RABL2B: variants seen among roughly 807,000 people sequenced by gnomAD.
RABL2B encodes the protein RAB, member of RAS oncogene family like 2B.
In RABL2B, 17 loss-of-function variants were observed where a neutral mutation model predicts 26.7. The ratio of observed to expected loss-of-function variants is 0.64; its 90% CI spans 0.44 to 0.95. RABL2B has a LOEUF of 0.95. Among genes scored for constraint, RABL2B ranks in the 40% least tolerant of loss-of-function variants. The pLI is 0.00. For synonymous variants in RABL2B, 70 were observed against 103.9 expected (o/e 0.67, Z 1.99); for missense variants, 170 against 277.2 (o/e 0.61, Z 2.75).
intron 2 of RABL2B, chr22:50,780,683 G>A (rs1555928034): frequency 2.1e-6 from 1 of 470,918 alleles, no homozygotes; most frequent in Middle Eastern, 3.3e-4. Context: ...GATACTGCTA[G>A]TGGATGAAGA....
At chr22:50,783,374 C>T (rs1248791536) in intron 1 of RABL2B, 127 bp downstream of exon 1, 1 of 152,814 alleles carries the variant, frequency 6.5e-6, no homozygotes, top group Non-Finnish European at 1.5e-5. Context: ...CCCCCCACAA[C>T]AGCCTCGCGA....
intron 5 of RABL2B, among the ~76,000 whole-genome samples, chr22:50,775,096 G>A (rs1225339671): frequency 6.6e-6 from 1 of 152,194 alleles, no homozygotes; most frequent in African/African-American, 2.4e-5. Flanking sequence ...TGTTTTTTAA[G>A]TGACCCAAAA....
Position 50,775,787 on chromosome 22 carries a change from G to C in RABL2B, c.282C>G (p.Ala94=). 6.2e-7 allele frequency: 1 copy of C among 1,614,160 alleles called. No individual in the cohort carries two copies. Among genetic ancestry groups the C allele is most frequent in the Non-Finnish European group, 8.5e-7 (1 of 1,180,028 alleles). ...CGTCTCGTACCATGATGCAGGCGTGGGCCTTGTGGTAGTAGGAGGCATGCA... is the reference window on the plus strand; with the variant it reads ...CGTCTCGTACCATGATGCAGGCGTGCGCCTTGTGGTAGTAGGAGGCATGCA... ...QSMHASYYHK[A]HACIMVFDVQ... Residue 94 remains alanine (A), a synonymous_variant, in exon 5 of 9, where the codon GCC becomes GCG. Coordinates refer to ENST00000691320, the MANE Select transcript of RABL2B (RefSeq NM_001130919.3).
chr22:50,769,617 G>T (rs1461450934), intron 6 of RABL2B, 65 bp from the exon 7 acceptor site: 7 of 1,606,292 alleles, frequency 4.4e-6, no homozygotes, highest in South Asian at 3.3e-5. Flanking sequence ...TGGAGGGGGG[G>T]GCCACTGGAG....
At position 50,772,445 on chromosome 22, in the gene RABL2B, C is replaced by G. The variant is rs2084328414; in HGVS notation, c.298-2429G>C. 8.1e-6 allele frequency: 8 copies of G among 986,394 alleles called. No homozygotes were observed. The African/African-American group carries it at 1.4e-4, about 17-fold the overall frequency. The allele number at this position is 986,394 out of a possible 1,614,324, so 61.1% of individuals were successfully genotyped here. Reference sequence around the variant, plus strand: ...CTACAGTGAGCCTTCATGCCCTTCACAGGAGCTCCTCCAAAGTGTCTAGCC... The same window carrying G: ...CTACAGTGAGCCTTCATGCCCTTCAGAGGAGCTCCTCCAAAGTGTCTAGCC... On this transcript the variant is annotated intron_variant, in intron 5 of 8. Transcript: ENST00000691320.
At chr22:50,783,181 G>C (rs2086164008) in intron 1 of RABL2B, 1 of 169,586 alleles carries the variant, frequency 5.9e-6, no homozygotes, top group African/African-American at 2.4e-5. Context: ...GCTCACTGCA[G>C]CCTCCAACTC....
intron 2 of RABL2B, 58 bp from the exon 3 acceptor site, chr22:50,778,039 A>T: frequency 6.2e-7 from 1 of 1,613,806 alleles, no homozygotes; most frequent in South Asian, 1.1e-5. Context: ...CTCGTCCCAG[A>T]CTTTTTCACC....
At chr22:50,778,199 C>T (rs1423454631) in intron 2 of RABL2B, among the ~76,000 whole-genome samples, 1 of 151,220 alleles carries the variant, frequency 6.6e-6, no homozygotes, top group African/African-American at 2.4e-5. Flanking sequence ...GTACACACAC[C>T]AGCCCACGTG....
intron 4 of RABL2B, among the ~76,000 whole-genome samples, chr22:50,776,351 A>C (rs1202904168): frequency 6.6e-6 from 1 of 152,192 alleles, no homozygotes; most frequent in Non-Finnish European, 1.5e-5. Flanking sequence ...GAAGCTAGGA[A>C]AACTACTGCC....
chr22:50,767,679 C>T lies in RABL2B; in HGVS notation c.*1097G>A, dbSNP rs1441390297. The stretch of plus-strand genomic sequence containing the variant: ...GCTCTCCTCTTGCAGTCCTCAGCCT[C>T]CCACAGGAGGCACAAGGTCCAAACT... On this transcript the variant is annotated 3_prime_UTR_variant, in exon 9 of 9. Coordinates refer to ENST00000691320, the MANE Select transcript of RABL2B (RefSeq NM_001130919.3). 1.8e-5 allele frequency: 8 copies of T among 445,684 alleles called. No homozygotes were observed. The highest frequency in any genetic ancestry group is 4.8e-5 in the South Asian group (3 of 62,990). 27.6% of individuals were successfully genotyped at this position (445,684 alleles called of 1,614,324 possible).
chr22:50,780,661 C>T lies in RABL2B; in HGVS notation c.107+1527G>A, dbSNP rs149061920. ...ACCATGGTCTTTGTATCTGGGACAA[C>T]CTTTTGCCTGAGATACTGCTAGTGG... On this transcript the variant is annotated intron_variant, in intron 2 of 8. Transcript: ENST00000691320. The T allele has an allele frequency of 8.6e-3, 4,062 of 470,648 alleles. 133 individuals are homozygous for T. The highest frequency in any genetic ancestry group is 0.072 in the African/African-American group (3,603 of 50,082). The allele number at this position is 470,648 out of a possible 1,614,324, so 29.2% of individuals were successfully genotyped here.
chr22:50,770,260 A>G (rs2083941460), intron 5 of RABL2B: 1 of 496,362 alleles, frequency 2.0e-6, no homozygotes, highest in African/African-American at 2.0e-5. Flanking sequence ...TCACACCTGT[A>G]ATCCCAGCAC....
At chr22:50,778,374 AGGCCGAGAG>A (rs781916031) in intron 2 of RABL2B, among the ~76,000 whole-genome samples, 93 of 151,986 alleles carry the variant, frequency 6.1e-4, no homozygotes, top group Non-Finnish European at 9.6e-4. Context: ...GCACTTTGGG[AGGCCGAGAG>A]CAGCCTGGCC....
chr22:50,773,400 C>T (rs1299404557), intron 5 of RABL2B, among the ~76,000 whole-genome samples: 1 of 152,164 alleles, frequency 6.6e-6, no homozygotes, highest in Non-Finnish European at 1.5e-5. Context: ...CCTCACTGTC[C>T]TCACCACTGG....
At chr22:50,769,381 A>G (rs782783535) in intron 7 of RABL2B, 74 bp downstream of exon 7, 1 of 1,611,840 alleles carries the variant, frequency 6.2e-7, no homozygotes, top group East Asian at 2.2e-5. Flanking sequence ...ACCTGCAGTA[A>G]GCCCTTCTCT....
At chr22:50,777,832 G>C (rs138784280) in intron 3 of RABL2B, 120 bp downstream of exon 3, 4 of 1,512,958 alleles carry the variant, frequency 2.6e-6, no homozygotes, top group Non-Finnish European at 2.8e-6. Context: ...AAACCTGTGC[G>C]TTCACTTACC....
intron 5 of RABL2B, among the ~76,000 whole-genome samples, chr22:50,775,391 T>G (rs1488071930): frequency 1.3e-5 from 2 of 151,992 alleles, no homozygotes; most frequent in African/African-American, 4.8e-5. Flanking sequence ...ATCTACTCAG[T>G]CCCAGCGTGC....
chr22:50,771,481 T>C (rs138958369), intron 5 of RABL2B: 1 of 151,578 alleles, frequency 6.6e-6, no homozygotes, highest in Non-Finnish European at 1.5e-5. Context: ...TTCATCATGT[T>C]GGCCAGGCTG....
intron 5 of RABL2B, among the ~76,000 whole-genome samples, chr22:50,774,586 A>G (rs1456555454): frequency 6.7e-6 from 1 of 149,256 alleles, no homozygotes; most frequent in African/African-American, 2.5e-5. Context: ...GACTTCAGAC[A>G]TGGATTCCCG....
Sources: allele counts gnomAD v4.1 joint callset (sites outside exome capture counted in the v4.1 genomes callset), GRCh38; gene constraint gnomAD v4.1.1; transcripts MANE v1.5; gene names NCBI Gene and HGNC (gene_info 2026-07-23, HGNC 2026-07-21).